COG5: variants seen among roughly 807,000 people sequenced by gnomAD.
COG5 encodes the protein component of oligomeric golgi complex 5.
COG5 carries 86 observed loss-of-function variants against 110.4 expected under a neutral mutation model. The ratio of observed to expected loss-of-function variants is 0.78; its 90% CI spans 0.65 to 0.93. The LOEUF (loss-of-function observed/expected upper bound fraction) is 0.93, where lower values mean the gene tolerates loss of function less well. Among genes scored for constraint, COG5 ranks in the 40% least tolerant of loss-of-function variants. COG5 has a pLI of 0.00. For missense variants in COG5, 1,077 were observed against 987.0 expected, an observed-to-expected ratio of 1.09 and a Z score of -1.22; for synonymous variants, 360 against 334.6, an observed-to-expected ratio of 1.08 and a Z score of -0.83.
intron 11 of COG5, among the ~76,000 whole-genome samples, chr7:107,303,250 T>C (rs1807432344): frequency 6.6e-6 from 1 of 152,076 alleles, no homozygotes; most frequent in East Asian, 1.9e-4. Flanking sequence ...CAGTATCATT[T>C]TCACAAAAAT....
At chr7:107,347,525 T>C (rs1156879917) in intron 10 of COG5, among the ~76,000 whole-genome samples, 1 of 152,216 alleles carries the variant, frequency 6.6e-6, no homozygotes, top group Non-Finnish European at 1.5e-5. Context: ...TGCTCTCAAA[T>C]ATATGAACTC....
At chr7:107,448,535 T>G (rs1429949006) in intron 6 of COG5, among the ~76,000 whole-genome samples, 1 of 152,178 alleles carries the variant, frequency 6.6e-6, no homozygotes, top group Admixed American at 6.5e-5. Flanking sequence ...CCTTACATGT[T>G]AGAATTCCTC....
In COG5 at chr7:107,211,221, G is replaced by A. The variant is rs547247532; in HGVS notation, c.2173C>T (p.Leu725=). Residue 725 remains leucine, a synonymous_variant, in exon 20 of 22, where the codon CTG becomes TTG. Coordinates refer to ENST00000297135, the MANE Select transcript of COG5 (RefSeq NM_006348.5). ...SYRMLRSFRP[L]LFQASEHVAS... ...ACATGTTCACTTGCCTGGAAGAGCA[G>A]AGGTCTAGACGGGAAAAACAGAAGT... The A allele has an allele frequency of 3.8e-5, 62 of 1,614,034 alleles. No homozygotes were observed. The South Asian group carries it at 5.9e-4, about 15-fold the overall frequency.
chr7:107,235,700 C>T (rs559101338), intron 18 of COG5, among the ~76,000 whole-genome samples: 3 of 152,110 alleles, frequency 2.0e-5, no homozygotes, highest in Admixed American at 2.0e-4. Flanking sequence ...AAGACTCTGT[C>T]TCAAAAAGAA....
intron 12 of COG5, among the ~76,000 whole-genome samples, chr7:107,284,247 G>A (rs1452382879): frequency 3.9e-5 from 6 of 152,056 alleles, no homozygotes; most frequent in African/African-American, 7.2e-5. Context: ...TAATCTCTAC[G>A]TAAGTCCCCA....
chr7:107,505,033 T>G (rs1236810762), intron 6 of COG5, among the ~76,000 whole-genome samples: 2 of 152,224 alleles, frequency 1.3e-5, no homozygotes, highest in African/African-American at 4.8e-5. Context: ...TGCTGCTGGT[T>G]GTAGTAGCAA....
chr7:107,363,304 C>T (rs1449773651), intron 8 of COG5, among the ~76,000 whole-genome samples: 1 of 152,028 alleles, frequency 6.6e-6, no homozygotes, highest in African/African-American at 2.4e-5. Context: ...AGTGAAAATA[C>T]AAGGTGAATG....
At chr7:107,324,748 C>T (rs1216635521) in intron 10 of COG5, among the ~76,000 whole-genome samples, 1 of 152,118 alleles carries the variant, frequency 6.6e-6, no homozygotes, top group African/African-American at 2.4e-5. Context: ...CACATAATAG[C>T]TGGTGTAACC....
chr7:107,219,444 C>G (rs1237779688), intron 19 of COG5, among the ~76,000 whole-genome samples: 1 of 152,106 alleles, frequency 6.6e-6, no homozygotes, highest in Admixed American at 6.5e-5. Flanking sequence ...AAGTGTCTAT[C>G]AATGGATGAG....
intron 14 of COG5, among the ~76,000 whole-genome samples, chr7:107,268,341 A>G (rs972776409): frequency 6.6e-6 from 1 of 152,212 alleles, no homozygotes; most frequent in African/African-American, 2.4e-5. Flanking sequence ...AAAGTGTATT[A>G]CTGAACTCCA....
chr7:107,555,390 G>A (rs577965733), intron 2 of COG5, among the ~76,000 whole-genome samples: 38 of 152,140 alleles, frequency 2.5e-4, no homozygotes, highest in Admixed American at 2.0e-3. Context: ...AATCACCAAC[G>A]ACTGGAACCC....
At position 107,474,283 on chromosome 7, in the gene COG5, T is replaced by C. The variant is rs1197358328; in HGVS notation, c.538+52954A>G. 2 of 1,611,930 alleles carry C rather than the reference T, an allele frequency of 1.2e-6. No homozygotes were observed. Among genetic ancestry groups the C allele is most frequent in the Admixed American group, 1.7e-5 (1 of 59,940 alleles). ...CTGCATGAAATCCAACTTAATCAACTCTGTCAGTAACATTATTACAATGAA... is the reference window on the plus strand; with the variant it reads ...CTGCATGAAATCCAACTTAATCAACCCTGTCAGTAACATTATTACAATGAA... On this transcript the variant is annotated intron_variant, in intron 6 of 21. Coordinates refer to ENST00000297135, the MANE Select transcript of COG5 (RefSeq NM_006348.5). This position sits in a 1 kb window ranked among gnomAD's most constrained non-coding sequence, Gnocchi z 5.7.
At chr7:107,458,657 C>A (rs1243803733) in intron 6 of COG5, among the ~76,000 whole-genome samples, 1 of 152,098 alleles carries the variant, frequency 6.6e-6, no homozygotes, top group African/African-American at 2.4e-5. Context: ...GAGTTGAAGA[C>A]CCCAGCCTTA....
intron 14 of COG5, among the ~76,000 whole-genome samples, chr7:107,264,411 A>C (rs1012675990): frequency 6.6e-6 from 1 of 151,934 alleles, no homozygotes; most frequent in Non-Finnish European, 1.5e-5. Flanking sequence ...CAGACAATGG[A>C]GCAGGCCACG....
At chr7:107,257,813 GATTAT>G (rs1802996034) in intron 15 of COG5, among the ~76,000 whole-genome samples, 1 of 152,088 alleles carries the variant, frequency 6.6e-6, no homozygotes, top group African/African-American at 2.4e-5. Flanking sequence ...AGTCATCAGT[GATTAT>G]ATCATAAAAA....
At chr7:107,225,067 T>A (rs1380187799) in intron 19 of COG5, among the ~76,000 whole-genome samples, 1 of 152,178 alleles carries the variant, frequency 6.6e-6, no homozygotes, top group Admixed American at 6.5e-5. Flanking sequence ...TGTGCATGTG[T>A]GTACATGCTG....
chr7:107,459,602 C>A (rs1317710399), intron 6 of COG5, among the ~76,000 whole-genome samples: 1 of 151,926 alleles, frequency 6.6e-6, no homozygotes, highest in Non-Finnish European at 1.5e-5. Context: ...TTAAGACCAG[C>A]CTGGGCAACC....
intron 10 of COG5, among the ~76,000 whole-genome samples, chr7:107,349,979 C>G (rs538075538): frequency 6.6e-6 from 1 of 152,318 alleles, no homozygotes; most frequent in East Asian, 1.9e-4. Flanking sequence ...AGGCATGAAC[C>G]ACTGCACCCA....
rs548546674 is a variant in COG5 at position 107,210,319 on chromosome 7, G to A, written c.2375+207C>T. The A allele has an allele frequency of 1.8e-4, 251 of 1,428,126 alleles. 2 individuals carry two copies. The Middle Eastern group carries it at 1.8e-3, about 10-fold the overall frequency. 88.5% of individuals were successfully genotyped at this position (1,428,126 alleles called of 1,614,324 possible). On this transcript the variant is annotated intron_variant, in intron 21 of 21. Transcript: ENST00000297135. ...TTGCACATCAGGGATATGAAGGTTTGGAATGAAAGAAAGCAAAAGATGTTG... is the reference window on the plus strand; with the variant it reads ...TTGCACATCAGGGATATGAAGGTTTAGAATGAAAGAAAGCAAAAGATGTTG...
Sources: allele counts gnomAD v4.1 joint callset (sites outside exome capture counted in the v4.1 genomes callset), GRCh38; gene constraint gnomAD v4.1.1; non-coding constraint Gnocchi (gnomAD v3.1); transcripts MANE v1.5; gene names NCBI Gene and HGNC (gene_info 2026-07-23, HGNC 2026-07-21).